Variants in ERBB4 observed in about 807,000 individuals in gnomAD.
ERBB4 encodes erb-b2 receptor tyrosine kinase 4.
A neutral mutation model predicts 158.0 loss-of-function variants in ERBB4; 42 were observed. The ratio of observed to expected loss-of-function variants is 0.27; its 90% CI spans 0.21 to 0.34. ERBB4 has a LOEUF of 0.34. ERBB4 is among the 10% of genes least tolerant of loss of function. The probability of loss-of-function intolerance (pLI) is 1.00; values close to 1 mark genes in which losing one functional copy is unlikely to be tolerated. For synonymous variants in ERBB4, 583 were observed against 558.7 expected, an observed-to-expected ratio of 1.04 and a Z score of -0.61; for missense variants, 1,333 against 1,624.1, an observed-to-expected ratio of 0.82 and a Z score of 3.08.
rs543905331 is a variant in ERBB4 at position 211,523,296 on chromosome 2, T to TC, written c.2487+38606dup. 4.8e-3 allele frequency among the ~76,000 whole-genome samples: 701 copies of TC among 145,938 alleles called. 6 individuals carry two copies. Among genetic ancestry groups the TC allele is most frequent in the African/African-American group, 0.016 (635 of 39,446 alleles). On this transcript the variant is annotated intron_variant, in intron 20 of 27. Coordinates refer to ENST00000342788, the MANE Select transcript of ERBB4 (RefSeq NM_005235.3). ...AATTGCCAATGCAACCCCTCACACA[T>TC]CCCCCCACAGCAGCTGCTTAGAAAT...
chr2:212,532,577 G>C (rs980583719), intron 1 of ERBB4, among the ~76,000 whole-genome samples: 2 of 152,214 alleles, frequency 1.3e-5, no homozygotes, highest in African/African-American at 4.8e-5. Context: ...GCTTAGGCAT[G>C]ACTTTTAGCT....
chr2:211,709,524 T>C (rs763418603), intron 9 of ERBB4, among the ~76,000 whole-genome samples: 1 of 151,898 alleles, frequency 6.6e-6, no homozygotes, highest in Non-Finnish European at 1.5e-5. Context: ...TCTTGCAGTG[T>C]TTCTCAATGG....
intron 1 of ERBB4, among the ~76,000 whole-genome samples, chr2:212,477,514 T>C (rs1472381023): frequency 5.9e-5 from 9 of 152,224 alleles, no homozygotes; most frequent in African/African-American, 2.2e-4. Context: ...GTAAGTCTTT[T>C]AATAAGAAGT....
chr2:212,040,268 A>G (rs964755628), intron 2 of ERBB4, among the ~76,000 whole-genome samples: 8 of 152,060 alleles, frequency 5.3e-5, no homozygotes, highest in Middle Eastern at 3.4e-3. Flanking sequence ...ATTTTTTCTG[A>G]TGGAAAGTAA....
intron 1 of ERBB4, among the ~76,000 whole-genome samples, chr2:212,453,118 A>T (rs1362451259): frequency 6.6e-6 from 1 of 152,182 alleles, no homozygotes; most frequent in Admixed American, 6.5e-5. Flanking sequence ...TTATATCTAC[A>T]TACCCACAGG....
chr2:211,516,454 C>A (rs2066036653), intron 20 of ERBB4, among the ~76,000 whole-genome samples: 1 of 151,812 alleles, frequency 6.6e-6, no homozygotes, highest in South Asian at 2.1e-4. Context: ...GTACCTCAGC[C>A]TCCAGAGTAG....
intron 20 of ERBB4, among the ~76,000 whole-genome samples, chr2:211,523,624 G>C (rs184081947): frequency 2.0e-5 from 3 of 151,992 alleles, no homozygotes; most frequent in African/African-American, 7.2e-5. Context: ...CGCGTCTGGA[G>C]TTGTTCGTTC....
chr2:212,326,439 C>T (rs2106280142), intron 1 of ERBB4, among the ~76,000 whole-genome samples: 1 of 150,320 alleles, frequency 6.7e-6, no homozygotes, highest in South Asian at 2.1e-4. Context: ...TTTCTCCTGG[C>T]CAAATATTTG....
chr2:211,511,832 T>C (rs987285260), intron 20 of ERBB4, among the ~76,000 whole-genome samples: 1 of 152,090 alleles, frequency 6.6e-6, no homozygotes, highest in African/African-American at 2.4e-5. Flanking sequence ...GCCATTGTTT[T>C]GTGAGGAGAT....
chr2:211,448,721 A>G (rs182227357), intron 20 of ERBB4, among the ~76,000 whole-genome samples: 1 of 152,136 alleles, frequency 6.6e-6, no homozygotes, highest in Non-Finnish European at 1.5e-5. Context: ...AAGCCCAAGA[A>G]TAGGTAAAAT....
At chr2:212,089,959 C>T (rs554443904) in intron 2 of ERBB4, among the ~76,000 whole-genome samples, 2 of 152,210 alleles carry the variant, frequency 1.3e-5, no homozygotes, top group Admixed American at 6.5e-5. Context: ...ACAAGGTGTG[C>T]TTATAAAATG....
chr2:212,040,720 T>A (rs2125371492), intron 2 of ERBB4, among the ~76,000 whole-genome samples: 1 of 152,238 alleles, frequency 6.6e-6, no homozygotes, highest in East Asian at 1.9e-4. Flanking sequence ...AGCTTCTCTG[T>A]GAACTTCTGA....
chr2:212,340,956 A>C (rs2088680212), intron 1 of ERBB4, among the ~76,000 whole-genome samples: 2 of 151,420 alleles, frequency 1.3e-5, no homozygotes, highest in African/African-American at 4.9e-5. Context: ...CACAGGATTT[A>C]TCAAGATCTT....
intron 3 of ERBB4, among the ~76,000 whole-genome samples, chr2:211,791,953 T>C (rs2076288029): frequency 6.6e-6 from 1 of 151,758 alleles, no homozygotes; most frequent in Non-Finnish European, 1.5e-5. Context: ...ATTTAACTTA[T>C]ATATAGCATA....
intron 19 of ERBB4, among the ~76,000 whole-genome samples, chr2:211,589,325 G>GA (rs2068390595): frequency 2.0e-5 from 3 of 152,126 alleles, no homozygotes; most frequent in Admixed American, 2.0e-4. Context: ...TCTATATCTA[G>GA]AAAATGTATC....
chr2:212,209,426 T>C (rs2082864612), intron 1 of ERBB4, among the ~76,000 whole-genome samples: 1 of 152,170 alleles, frequency 6.6e-6, no homozygotes, highest in Non-Finnish European at 1.5e-5. Context: ...TTTGTTCTAC[T>C]ACTGCAGTGA....
Position 212,321,934 on chromosome 2 carries a change from G to A in ERBB4, c.83-197031C>T, listed in dbSNP as rs1166560821. 3.3e-5 allele frequency among the ~76,000 whole-genome samples: 5 copies of A among 149,980 alleles called. 1 individual carries two copies. Among genetic ancestry groups the A allele is most frequent in the Non-Finnish European group, 7.5e-5 (5 of 66,904 alleles). On this transcript the variant is annotated intron_variant, in intron 1 of 27. Coordinates refer to ENST00000342788, the MANE Select transcript of ERBB4 (RefSeq NM_005235.3). ...ATTAAAATGGCTACAGAGATGGAAT[G>A]TTGCCTTCCTGTGGTTGACAGTTTA...
At chr2:212,107,838 C>T (rs567125225) in intron 2 of ERBB4, among the ~76,000 whole-genome samples, 84 of 152,270 alleles carry the variant, frequency 5.5e-4, no homozygotes, top group African/African-American at 1.9e-3. Context: ...AGTTTCCCTG[C>T]ACAAGTTCTA....
chr2:211,598,839 C>T (rs1468739405), intron 19 of ERBB4, among the ~76,000 whole-genome samples: 2 of 152,048 alleles, frequency 1.3e-5, no homozygotes, highest in African/African-American at 2.4e-5. Context: ...TGGTGTTACT[C>T]TTTATTTATT....
Sources: gnomAD v4.1 joint callset for allele counts (sites outside exome capture counted in the v4.1 genomes callset) on GRCh38, gnomAD v4.1.1 for gene constraint, MANE v1.5 for transcripts, NCBI Gene and HGNC (gene_info 2026-07-23, HGNC 2026-07-21) for gene names.